The following GNA14 variants were observed in gnomAD, a reference collection of about 807,000 sequenced individuals.
GNA14 encodes guanine nucleotide-binding protein subunit alpha-14.
GNA14 carries 50 observed loss-of-function variants against 42.0 expected under a neutral mutation model. The ratio of observed to expected loss-of-function variants is 1.19; its 90% CI spans 0.95 to 1.51. The LOEUF is 1.51. Ranked by LOEUF, GNA14 falls within the 40% of genes most tolerant of loss-of-function variation. The pLI, the probability that GNA14 is intolerant of heterozygous loss-of-function variation, is 0.00. For missense variants in GNA14, 473 were observed against 446.2 expected (o/e 1.06, Z -0.54); for synonymous variants, 173 against 163.1 (o/e 1.06, Z -0.46).
At chr9:77,624,117 G>A (rs961938604) in intron 1 of GNA14, among the ~76,000 whole-genome samples, 3 of 152,174 alleles carry the variant, frequency 2.0e-5, no homozygotes, top group Admixed American at 1.3e-4. Context: ...GGTTTGAGTA[G>A]AGGGTTTCCC....
At chr9:77,632,627 G>C (rs544758398) in intron 1 of GNA14, among the ~76,000 whole-genome samples, 3 of 152,150 alleles carry the variant, frequency 2.0e-5, no homozygotes, top group Non-Finnish European at 4.4e-5. Context: ...GGGCCCTAAG[G>C]TTCCTGGAGT....
At chr9:77,530,036 T>G (rs1390317163) in intron 1 of GNA14, among the ~76,000 whole-genome samples, 1 of 152,254 alleles carries the variant, frequency 6.6e-6, no homozygotes, top group Non-Finnish European at 1.5e-5. Flanking sequence ...CCCTTTACCA[T>G]GTTTGGAACA....
At chr9:77,436,903 G>T (rs988914170) in intron 2 of GNA14, among the ~76,000 whole-genome samples, 7 of 152,180 alleles carry the variant, frequency 4.6e-5, no homozygotes, top group African/African-American at 1.7e-4. Context: ...AAGAGTGAAA[G>T]CATACTAGGG....
intron 1 of GNA14, among the ~76,000 whole-genome samples, chr9:77,597,788 T>C (rs971907066): frequency 1.3e-5 from 2 of 152,002 alleles, no homozygotes; most frequent in African/African-American, 2.4e-5. Context: ...AGGCCGGGCA[T>C]GGTGGCTAAC....
intron 1 of GNA14, among the ~76,000 whole-genome samples, chr9:77,539,381 C>G (rs2131775266): frequency 6.6e-6 from 1 of 152,196 alleles, no homozygotes; most frequent in Non-Finnish European, 1.5e-5. Context: ...GCATTATGTT[C>G]ATGATGTGCT....
At chr9:77,640,831 C>G (rs1283508200) in intron 1 of GNA14, among the ~76,000 whole-genome samples, 1 of 124,268 alleles carries the variant, frequency 8.0e-6, no homozygotes, top group Non-Finnish European at 1.6e-5. Flanking sequence ...TGGTACAAGA[C>G]GAGCCTGGGG....
At chr9:77,602,745 T>G (rs897266783) in intron 1 of GNA14, among the ~76,000 whole-genome samples, 1 of 152,136 alleles carries the variant, frequency 6.6e-6, no homozygotes, top group Non-Finnish European at 1.5e-5. Context: ...CACCCACAAC[T>G]TTCCCAATTT....
rs898222120 is a variant in GNA14, at chr9:77,518,216, T to C, written c.309+10853A>G. 5.9e-5 allele frequency: 9 copies of C among 152,116 alleles called. No homozygotes were observed. In the East Asian group the frequency reaches 1.7e-3, roughly 30 times the overall value. The allele number at this position is 152,116 out of a possible 1,614,324, so 9.4% of individuals were successfully genotyped here. A position where few individuals can be genotyped will look rare whatever the true frequency, so the allele number is the denominator to read the frequency against. ...GGGAGCCACCCAAAACTGTTGAGGATAAAAATGACAGGGCAGGAATTTCAC... is the reference window on the plus strand; with the variant it reads ...GGGAGCCACCCAAAACTGTTGAGGACAAAAATGACAGGGCAGGAATTTCAC... On this transcript the variant is annotated intron_variant, in intron 2 of 6. Transcript: ENST00000341700.
At chr9:77,605,312 G>A (rs1054306060) in intron 1 of GNA14, among the ~76,000 whole-genome samples, 3 of 152,180 alleles carry the variant, frequency 2.0e-5, no homozygotes, top group Non-Finnish European at 4.4e-5. Flanking sequence ...ACTTCAACAC[G>A]TAAGTGCTTG....
intron 1 of GNA14, among the ~76,000 whole-genome samples, chr9:77,562,638 C>T (rs10781448): frequency 0.36 from 55,370 of 151,978 alleles, 11,142 homozygotes; most frequent in Admixed American, 0.51. Context: ...CTATTAGTTA[C>T]TGAATTTTGC....
rs543960661 is a variant in GNA14, at chr9:77,434,056, C to T, written c.464+312G>A. 1.8e-3 allele frequency among the ~76,000 whole-genome samples: 280 copies of T among 152,300 alleles called. 1 individual carries two copies. Among genetic ancestry groups the T allele is most frequent in the Non-Finnish European group, 2.9e-3 (200 of 68,024 alleles). On this transcript the variant is annotated intron_variant, in intron 3 of 6. Coordinates refer to ENST00000341700, the MANE Select transcript of GNA14 (RefSeq NM_004297.4). ...TTTAAATCAGATAATTTCAGCACTC[C>T]TAAGGAGATCAGTCCCACTTAAGGG...
intron 1 of GNA14, among the ~76,000 whole-genome samples, chr9:77,534,123 A>G (rs535639779): frequency 2.6e-5 from 4 of 152,384 alleles, no homozygotes; most frequent in African/African-American, 7.2e-5. Context: ...CAAACTAAAT[A>G]TAACAAATGA....
chr9:77,611,591 T>C (rs756395045), intron 1 of GNA14, among the ~76,000 whole-genome samples: 7 of 152,134 alleles, frequency 4.6e-5, no homozygotes, highest in Non-Finnish European at 1.0e-4. Flanking sequence ...CTCCCAACAA[T>C]AGCCATGAAG....
chr9:77,459,247 A>G (rs1205290249), intron 2 of GNA14, among the ~76,000 whole-genome samples: 1 of 71,444 alleles, frequency 1.4e-5, no homozygotes, highest in Non-Finnish European at 2.8e-5. Context: ...GGGAAAAAAA[A>G]GAAAAAAAAG....
intron 1 of GNA14, among the ~76,000 whole-genome samples, chr9:77,590,771 G>A (rs1218108996): frequency 6.6e-6 from 1 of 151,596 alleles, no homozygotes; most frequent in Non-Finnish European, 1.5e-5. Flanking sequence ...ATTAATATAA[G>A]CATCCCACAC....
At chr9:77,590,342 G>A (rs1823371676) in intron 1 of GNA14, among the ~76,000 whole-genome samples, 1 of 152,200 alleles carries the variant, frequency 6.6e-6, no homozygotes, top group East Asian at 1.9e-4. Context: ...GGGGACTGAT[G>A]TGTTCACATT....
intron 2 of GNA14, among the ~76,000 whole-genome samples, chr9:77,514,772 C>A (rs1178979858): frequency 6.6e-6 from 1 of 152,008 alleles, no homozygotes; most frequent in Non-Finnish European, 1.5e-5. Flanking sequence ...TGCCACCACG[C>A]CCGGCTAATT....
At chr9:77,515,968 A>AAAAAAC (rs1274643355) in intron 2 of GNA14, among the ~76,000 whole-genome samples, 2 of 145,124 alleles carry the variant, frequency 1.4e-5, no homozygotes, top group African/African-American at 5.4e-5. Flanking sequence ...CACAAAAAAA[A>AAAAAAC]AAAAAAAAAA....
At chr9:77,621,140 A>C (rs750768886) in intron 1 of GNA14, among the ~76,000 whole-genome samples, 4 of 151,912 alleles carry the variant, frequency 2.6e-5, no homozygotes, top group Non-Finnish European at 5.9e-5. Context: ...TGCCACGTTG[A>C]CCAGGCTGGT....
Sources: gnomAD v4.1 joint callset for allele counts (sites outside exome capture counted in the v4.1 genomes callset) on GRCh38, gnomAD v4.1.1 for gene constraint, MANE v1.5 for transcripts, NCBI Gene and HGNC (gene_info 2026-07-23, HGNC 2026-07-21) for gene names.